The following LAMA3 variants were observed in gnomAD, a reference collection of about 807,000 sequenced individuals.
LAMA3 encodes laminin subunit alpha 3.
LAMA3 carries 281 observed loss-of-function variants against 402.0 expected under a neutral mutation model. The observed-to-expected ratio is 0.70, with a 90% CI of 0.63 to 0.77. The LOEUF (loss-of-function observed/expected upper bound fraction) is 0.77. Among genes scored for constraint, LAMA3 ranks in the 30% least tolerant of loss-of-function variants. LAMA3 has a pLI of 0.00. For missense variants in LAMA3, 3,840 were observed against 4,215.5 expected (o/e 0.91, Z 2.47); for synonymous variants, 1,431 against 1,558.4 (o/e 0.92, Z 1.93).
chr18:23,917,803 G>C (rs1201197415), intron 60 of LAMA3, among the ~76,000 whole-genome samples: 1 of 152,038 alleles, frequency 6.6e-6, no homozygotes, highest in Non-Finnish European at 1.5e-5. Flanking sequence ...CATTCTGTGG[G>C]TTGTCTGTTT....
intron 14 of LAMA3, 69 bp downstream of exon 14, chr18:23,813,172 A>T: frequency 9.6e-7 from 1 of 1,041,176 alleles, no homozygotes; most frequent in Non-Finnish European, 1.5e-6. Flanking sequence ...AAGGACTAAC[A>T]GTGTGGGCAC....
Position 23,901,164 on chromosome 18 carries a change from G to T in LAMA3, c.6042G>T (p.Gln2014His). 6.2e-7 allele frequency: 1 copy of T among 1,614,192 alleles called. No homozygotes were observed. ...NRIRTWQKTH[Q>H]GENNGLANSI... ...TAAGGACCTGGCAGAAAACCCACCAGGGGGAGAACAATGGGCTTGCTAACA... is the reference window on the plus strand; with the variant it reads ...TAAGGACCTGGCAGAAAACCCACCATGGGGAGAACAATGGGCTTGCTAACA... The change falls in exon 48 of 75, where the codon CAG (glutamine) becomes CAT (histidine). Residue 2014 changes from glutamine (Q) to histidine (H), a missense_variant. Transcript: ENST00000313654.
At chr18:23,911,901 T>C (rs1416430956) in intron 55 of LAMA3, among the ~76,000 whole-genome samples, 2 of 146,224 alleles carry the variant, frequency 1.4e-5, no homozygotes, top group Admixed American at 6.9e-5. Flanking sequence ...AATGTACATA[T>C]AATTATATAT....
intron 12 of LAMA3, among the ~76,000 whole-genome samples, chr18:23,799,937 T>A (rs1447624826): frequency 6.6e-6 from 1 of 152,192 alleles, no homozygotes; most frequent in Non-Finnish European, 1.5e-5. Flanking sequence ...CTTAAGACTT[T>A]TAGCTGATTG....
At chr18:23,832,713 C>T (rs1474693515) in intron 23 of LAMA3, among the ~76,000 whole-genome samples, 3 of 152,030 alleles carry the variant, frequency 2.0e-5, no homozygotes, top group Non-Finnish European at 4.4e-5. Context: ...CAACCTGTGT[C>T]CCTCAATAAC....
At chr18:23,912,431 A>G (rs2081464332) in intron 55 of LAMA3, among the ~76,000 whole-genome samples, 1 of 152,156 alleles carries the variant, frequency 6.6e-6, no homozygotes, top group South Asian at 2.1e-4. Flanking sequence ...TATCATTATT[A>G]TTATTGCTAG....
intron 11 of LAMA3, among the ~76,000 whole-genome samples, chr18:23,780,580 A>C (rs922127233): frequency 5.9e-5 from 9 of 152,156 alleles, no homozygotes; most frequent in African/African-American, 2.2e-4. Context: ...GAATAAGAAA[A>C]GACCTGAGCG....
chr18:23,940,293 C>T (rs544411003), intron 68 of LAMA3, among the ~76,000 whole-genome samples: 1 of 152,302 alleles, frequency 6.6e-6, no homozygotes, highest in Non-Finnish European at 1.5e-5. Context: ...AACACAGTCT[C>T]AGCCAGGTGC....
intron 52 of LAMA3, among the ~76,000 whole-genome samples, chr18:23,905,832 A>G (rs903149488): frequency 6.6e-6 from 1 of 152,136 alleles, no homozygotes; most frequent in Non-Finnish European, 1.5e-5. Flanking sequence ...TGGCACAATC[A>G]TAGCTCACTG....
At chr18:23,791,736 A>T (rs1212132449) in intron 12 of LAMA3, among the ~76,000 whole-genome samples, 4 of 29,774 alleles carry the variant, frequency 1.3e-4, no homozygotes, top group African/African-American at 2.7e-4. Flanking sequence ...AATTTGTCTA[A>T]AAAAAAAAAA....
At chr18:23,948,638 C>T (rs1047315176) in intron 70 of LAMA3, among the ~76,000 whole-genome samples, 2 of 151,372 alleles carry the variant, frequency 1.3e-5, no homozygotes, top group South Asian at 2.1e-4. Flanking sequence ...AGTACGATCT[C>T]GGCTCACTGC....
Position 23,810,364 on chromosome 18 carries a change from A to G in LAMA3, c.1604-2A>G, listed in dbSNP as rs562181472. ...TAAGTCTGATTGAATTCTTTCATCC[A>G]GCCTGCTGGTGTTCAGCCCTTGGAT... is the stretch of plus-strand genomic sequence containing the variant. On this transcript the variant is annotated splice_acceptor_variant, in intron 12 of 74. Transcript: ENST00000313654. LOFTEE classifies it high-confidence loss of function. 6 of 1,614,070 alleles carry G rather than the reference A, an allele frequency of 3.7e-6. No individual in the cohort carries two copies. In the African/African-American group the frequency reaches 4.0e-5, roughly 11 times the overall value.
chr18:23,854,042 GC>G (rs1184348060), intron 32 of LAMA3, among the ~76,000 whole-genome samples: 1 of 152,204 alleles, frequency 6.6e-6, no homozygotes, highest in African/African-American at 2.4e-5. Flanking sequence ...GCCCAGCGGG[GC>G]CACTCAGGGT....
At position 23,895,027 on chromosome 18, in the gene LAMA3, G is replaced by A. The variant is rs1278238319; in HGVS notation, c.5582G>A (p.Arg1861Lys). Residue 1861 changes from arginine (R) to lysine (K), a missense_variant, in exon 44 of 75, where the codon AGG becomes AAG. Around this residue, in one of 3 missense-constraint regions of LAMA3, gnomAD observed 891 missense variants for 857.5 expected, o/e 1.04. Transcript: ENST00000313654. ...AGCGCAGGGCTTCTGGAGCAGATGA[G>A]GCACATGGAGACCCAGGCCAAGGAC... ...SASAGLLEQM[R>K]HMETQAKDLR... The A allele has an allele frequency of 1.4e-5, 23 of 1,609,298 alleles. No homozygotes were observed. Among genetic ancestry groups the A allele is most frequent in the Non-Finnish European group, 2.0e-5 (23 of 1,177,868 alleles).
chr18:23,714,969 G>A (rs1255283923), intron 2 of LAMA3, among the ~76,000 whole-genome samples: 1 of 151,994 alleles, frequency 6.6e-6, no homozygotes, highest in African/African-American at 2.4e-5. Flanking sequence ...GATTTTTTAA[G>A]GTCTTGAAAA....
chr18:23,692,074 C>G (rs907018059), intron 1 of LAMA3, among the ~76,000 whole-genome samples: 1 of 152,168 alleles, frequency 6.6e-6, no homozygotes, highest in Non-Finnish European at 1.5e-5. Context: ...AAGCGAGGGG[C>G]CCTTCGAAGT....
chr18:23,782,038 C>G (rs2062447359), intron 11 of LAMA3, among the ~76,000 whole-genome samples: 1 of 152,088 alleles, frequency 6.6e-6, no homozygotes, highest in Non-Finnish European at 1.5e-5. Context: ...AATTCCACAA[C>G]TTAGTTACTA....
chr18:23,922,658 T>C (rs1568349010), intron 62 of LAMA3, among the ~76,000 whole-genome samples: 1 of 152,248 alleles, frequency 6.6e-6, no homozygotes, highest in Non-Finnish European at 1.5e-5. Context: ...AGTGAGATTA[T>C]ATTAATATTT....
intron 62 of LAMA3, among the ~76,000 whole-genome samples, chr18:23,925,743 A>G (rs1221844594): frequency 1.3e-5 from 2 of 152,228 alleles, no homozygotes; most frequent in African/African-American, 2.4e-5. Context: ...GTAGAACTGT[A>G]GGTCCTCAGG....
Sources: allele counts gnomAD v4.1 joint callset (sites outside exome capture counted in the v4.1 genomes callset), GRCh38; gene constraint gnomAD v4.1.1; regional missense constraint gnomAD v4.1.1; transcripts MANE v1.5; gene names NCBI Gene and HGNC (gene_info 2026-07-23, HGNC 2026-07-21).